The following TTN variants were observed in gnomAD, a reference collection of about 807,000 sequenced individuals.
TTN encodes the protein connectin.
A neutral mutation model predicts 3,223.0 loss-of-function variants in TTN; 1,525 were observed. The observed-to-expected ratio is 0.47, with a 90% CI of 0.45 to 0.49. TTN has a LOEUF of 0.49. Among genes scored for constraint, TTN ranks in the 20% least tolerant of loss-of-function variants. TTN has a pLI of 0.00. For missense variants in TTN, 40,786 were observed against 43,424.0 expected, an observed-to-expected ratio of 0.94 and a Z score of 5.40; for synonymous variants, 14,094 against 15,161.0, an observed-to-expected ratio of 0.93 and a Z score of 5.17.
At chr2:178,615,194 C>T (rs1276537005) in intron 259 of TTN, 113 bp downstream of exon 259, 24 of 1,304,894 alleles carry the variant, frequency 1.8e-5, no homozygotes, top group Non-Finnish European at 2.3e-5. Context: ...GACAGATACA[C>T]CGGCAGCATA....
chr2:178,681,038 G>T, intron 138 of TTN, 41 bp downstream of exon 138: 2 of 1,444,662 alleles, frequency 1.4e-6, no homozygotes, highest in Non-Finnish European at 1.9e-6. Context: ...TTCAAAAGAG[G>T]CATCAGAAAA....
At position 178,718,487 on chromosome 2, in the gene TTN, C is replaced by A; in HGVS notation, c.24619G>T (p.Asp8207Tyr). Residue 8207 changes from aspartate (D) to tyrosine (Y), a missense_variant, in exon 85 of 363, where the codon GAC becomes TAC. Asp to Tyr is a radical substitution (Grantham distance 160). Coordinates refer to ENST00000589042, the MANE Select transcript of TTN (RefSeq NM_001267550.2). ...TPPISVSWIK[D>Y]EYLISQSERC... The stretch of plus-strand genomic sequence containing the variant: ...TCAGATTGTGAAATAAGATACTCGT[C>A]CTTTATCCAGCTCACTGAGATTGGA... The A allele has an allele frequency of 1.2e-6, 2 of 1,613,730 alleles. No individual in the cohort carries two copies. Among genetic ancestry groups the A allele is most frequent in the Non-Finnish European group, 1.7e-6 (2 of 1,179,742 alleles).
chr2:178,718,419 T>A lies in TTN; in HGVS notation c.24687A>T (p.Glu8229Asp), dbSNP rs761867872. 6.2e-7 allele frequency: 1 copy of A among 1,613,796 alleles called. No homozygotes were observed. Among genetic ancestry groups the A allele is most frequent in the African/African-American group, 1.3e-5 (1 of 75,018 alleles). The change falls in exon 85 of 363, where the codon GAA becomes GAT. Residue 8229 changes from glutamate (E) to aspartate (D), a missense_variant. Transcript: ENST00000589042. Reference sequence around the variant, plus strand: ...AATCCTCTATTGTGCTCTCAAGAATTTCCAGTATGGTAGATTTTTCTGTCA... The same window carrying A: ...AATCCTCTATTGTGCTCTCAAGAATATCCAGTATGGTAGATTTTTCTGTCA... The part of the protein sequence containing the change: ...ITMTEKSTIL[E>D]ILESTIEDYA...
Position 178,802,206 on chromosome 2 carries a change from C to A in TTN, c.227G>T (p.Gly76Val), listed in dbSNP as rs138750421. Residue 76 changes from glycine (G) to valine (V), a missense_variant, in exon 3 of 363, where the codon GGA becomes GTA. Gly to Val is a moderately radical substitution (Grantham distance 109). Coordinates refer to ENST00000589042, the MANE Select transcript of TTN (RefSeq NM_001267550.2). The part of the protein sequence containing the change: ...TIPAVTKANS[G>V]RYSLKATNGS... ...ATTGGTGGCTTTCAGGGAATATCGT[C>A]CACTGTTGGCTTTAGTCACGGCGGG... 1 of 1,614,130 alleles carries A rather than the reference C, an allele frequency of 6.2e-7. No individual in the cohort carries two copies.
rs563362560 is a variant in TTN at position 178,639,909 on chromosome 2, A to G, written c.40787-121T>C. ...TCTTCAAATAACTAGTTTTTAAGAG[A>G]ATAGTATATTAAGCATTTTGAGACG... is the stretch of plus-strand genomic sequence containing the variant. On this transcript the variant is annotated intron_variant, in intron 222 of 362. Transcript: ENST00000589042. The G allele has an allele frequency of 1.1e-4, 151 of 1,426,930 alleles. No individual in the cohort carries two copies. In the African/African-American group the frequency reaches 2.0e-3, roughly 19 times the overall value. The allele number at this position is 1,426,930 out of a possible 1,614,324, so 88.4% of individuals were successfully genotyped here.
In TTN at chr2:178,580,501, A is replaced by G. The variant is rs766138542; in HGVS notation, c.66878T>C (p.Ile22293Thr). The G allele has an allele frequency of 6.2e-7, 1 of 1,612,988 alleles. No individual in the cohort carries two copies. Among genetic ancestry groups the G allele is most frequent in the East Asian group, 2.2e-5 (1 of 44,680 alleles). ...VPVKGRPPPKITWSKPNVNLR... is the reference protein window; with the variant it reads ...VPVKGRPPPKTTWSKPNVNLR... ...ATTGACATTTGGTTTAGACCAAGTA[A>G]TCTTTGGAGGTGGGCGTCCTTTTAC... The change falls in exon 317 of 363, where the codon ATT (isoleucine) becomes ACT (threonine). Residue 22293 changes from isoleucine to threonine, a missense_variant. Coordinates refer to ENST00000589042, the MANE Select transcript of TTN (RefSeq NM_001267550.2).
At chr2:178,763,610 T>C (rs7572955) in intron 43 of TTN, among the ~76,000 whole-genome samples, 140,260 of 152,218 alleles carry the variant, frequency 0.92, 64,961 homozygotes, top group East Asian at 0.98. Context: ...AATGCAATCA[T>C]ATACTCAATG....
Position 178,730,303 on chromosome 2 carries a change from C to T in TTN, c.18097G>A (p.Ala6033Thr). The T allele has an allele frequency of 6.2e-7, 1 of 1,611,764 alleles. No homozygotes were observed. Among genetic ancestry groups the T allele is most frequent in the Non-Finnish European group, 8.5e-7 (1 of 1,178,870 alleles). The change falls in exon 62 of 363, where the codon GCT becomes ACT. Residue 6033 changes from alanine (A) to threonine (T), a missense_variant. By Grantham distance (58) the Ala-to-Thr change is moderately conservative. Transcript: ENST00000589042. ...ATGGGTGCAGTGCCACCCACAAGAG[C>T]CTTTAACTGTACCCTTGTGTTGGGA... ...VNPNTRVQLK[A>T]LVGGTAPMTI... is the part of the protein sequence containing the mutation.
At chr2:178,749,630 C>T in intron 47 of TTN, 3 of 1,612,338 alleles carry the variant, frequency 1.9e-6, no homozygotes, top group Non-Finnish European at 2.5e-6. Context: ...TTCGAATTGA[C>T]TATTTTCTCT....
In TTN at chr2:178,580,017, A is replaced by G. The variant is rs974697497; in HGVS notation, c.67270T>C (p.Tyr22424His). The change falls in exon 318 of 363, where the codon TAC becomes CAC. Residue 22424 changes from tyrosine to histidine, a missense_variant. Transcript: ENST00000589042. ...RVANLEEGKS[Y>H]FFRVFAENEY... ...TTTTCAGCAAACACTCGGAAGAAGT[A>G]GGATTTTCCCTCCTCCAAATTAGCT... 5 of 1,613,360 alleles carry G rather than the reference A, an allele frequency of 3.1e-6. No homozygotes were observed. Among genetic ancestry groups the G allele is most frequent in the Non-Finnish European group, 4.2e-6 (5 of 1,179,504 alleles).
Position 178,551,639 on chromosome 2 carries a change from A to G in TTN, c.91261T>C (p.Ser30421Pro), listed in dbSNP as rs1699486002. The change falls in exon 335 of 363, where the codon TCT becomes CCT. Residue 30421 changes from serine to proline, a missense_variant. Transcript: ENST00000589042. ...SDPSKFTLAV[S>P]PVDPPGTPDY... The stretch of plus-strand genomic sequence containing the variant: ...AATAATAATCACTTACCTACTGGAG[A>G]AACAGCTAAGGTAAATTTGCTTGGG... The G allele has an allele frequency of 6.3e-7, 1 of 1,578,036 alleles. No homozygotes were observed. Among genetic ancestry groups the G allele is most frequent in the Admixed American group, 1.8e-5 (1 of 54,550 alleles).
intron 258 of TTN, 30 bp from the exon 259 acceptor site, chr2:178,615,514 T>TAG: frequency 6.2e-7 from 1 of 1,610,034 alleles, no homozygotes; most frequent in East Asian, 2.2e-5. Context: ...GAGTCAGTCT[T>TAG]ACACAGGCCA....
chr2:178,750,418 C>A lies in TTN; in HGVS notation c.11311+2706G>T, dbSNP rs144909083. 34 of 1,612,068 alleles carry A rather than the reference C, an allele frequency of 2.1e-5. No homozygotes were observed. In the African/African-American group the frequency reaches 4.5e-4, roughly 22 times the overall value. ...GAGTTAATATTGAATAGTTTTCCAA[C>A]GAATGAATGATAAAGTTTTGATTAC... On this transcript the variant is annotated intron_variant, in intron 47 of 362. Coordinates refer to ENST00000589042, the MANE Select transcript of TTN (RefSeq NM_001267550.2).
chr2:178,777,251 G>A lies in TTN; in HGVS notation c.4712C>T (p.Ser1571Phe). ...AGCTCTGACTTTCATTTCAAGTCGGGAACCTTCCTTTATATTGACATTTTT... is the reference window on the plus strand; with the variant it reads ...AGCTCTGACTTTCATTTCAAGTCGGAAACCTTCCTTTATATTGACATTTTT... ...KLKNVNIKEG[S>F]RLEMKVRATG... Residue 1571 changes from serine (S) to phenylalanine (F), a missense_variant, in exon 27 of 363, where the codon TCC (serine) becomes TTC (phenylalanine). Transcript: ENST00000589042. 6.2e-7 allele frequency: 1 copy of A among 1,614,060 alleles called. No individual in the cohort carries two copies. The highest frequency in any genetic ancestry group is 8.5e-7 in the Non-Finnish European group (1 of 1,179,980).
In TTN at chr2:178,677,335, C is replaced by CATATACATATATATATAT. The variant is rs71393434; in HGVS notation, c.34292-49_34292-48insATATATATATATGTATAT. 34 of 251,894 alleles carry CATATACATATATATATAT rather than the reference C, an allele frequency of 1.3e-4. 1 individual carries two copies. In the South Asian group the frequency reaches 2.9e-3, roughly 21 times the overall value. The allele number at this position is 251,894 out of a possible 1,614,324, so 15.6% of individuals were successfully genotyped here. The stretch of plus-strand genomic sequence containing the variant: ...GCATTAAAAACCACATATACATGGT[C>CATATACATATATATATAT]ATATATATATATATATATATATATA... On this transcript the variant is annotated intron_variant, in intron 146 of 362. Transcript: ENST00000589042.
chr2:178,565,431 T>G lies in TTN; in HGVS notation c.80701A>C (p.Ile26901Leu). Residue 26901 changes from isoleucine to leucine, a missense_variant, in exon 326 of 363, where the codon ATT (isoleucine) becomes CTT (leucine). Ile to Leu is a conservative substitution (Grantham distance 5, BLOSUM62 2). Coordinates refer to ENST00000589042, the MANE Select transcript of TTN (RefSeq NM_001267550.2). ...GGTCTTGGTCGGCCTATAACTGGAA[T>G]TTCTATTTTAAGATCTTCTCCAGCT... ...IQAGEDLKIE[I>L]PVIGRPRPNI... 1 of 1,613,444 alleles carries G rather than the reference T, an allele frequency of 6.2e-7. No individual in the cohort carries two copies. The highest frequency in any genetic ancestry group is 1.1e-5 in the South Asian group (1 of 91,050).
In TTN at chr2:178,616,541, C is replaced by T. The variant is rs1331594861; in HGVS notation, c.48250G>A (p.Gly16084Arg). ...ACAACGTATCCAGTTAACGGACTTCCTCCATCATCATCAGGTGGTTCCCAA... is the reference window on the plus strand; with the variant it reads ...ACAACGTATCCAGTTAACGGACTTCTTCCATCATCATCAGGTGGTTCCCAA... ...LTWEPPDDDG[G>R]SPLTGYVVEK... The change falls in exon 257 of 363, where the codon GGA becomes AGA. Residue 16084 changes from glycine to arginine, a missense_variant. Transcript: ENST00000589042. The T allele has an allele frequency of 6.2e-7, 1 of 1,612,308 alleles. No individual in the cohort carries two copies. Among genetic ancestry groups the T allele is most frequent in the Non-Finnish European group, 8.5e-7 (1 of 1,178,980 alleles).
At chr2:178,583,399 GA>G (rs2048221805) in intron 312 of TTN, 172 bp from the exon 313 acceptor site, 1 of 827,112 alleles carries the variant, frequency 1.2e-6, no homozygotes, top group Non-Finnish European at 1.7e-6. Context: ...AATAACTATT[GA>G]AATTATATAG....
Position 178,689,299 on chromosome 2 carries a change from G to A in TTN, c.32002C>T (p.Pro10668Ser). The A allele has an allele frequency of 6.2e-7, 1 of 1,612,024 alleles. No homozygotes were observed. Among genetic ancestry groups the A allele is most frequent in the Non-Finnish European group, 8.5e-7 (1 of 1,179,436 alleles). The change falls in exon 124 of 363, where the codon CCA (proline) becomes TCA (serine). Residue 10668 changes from proline (P) to serine (S), a missense_variant. By Grantham distance (74) the Pro-to-Ser change is moderately conservative. Transcript: ENST00000589042. ...VPRKEEEVPP[P>S]PKVPALPKKP... ...GATGGAGAAACAATACCTTTTGGTGGTGGTGGAACTTCTTCCTCCTTCCGA... is the reference window on the plus strand; with the variant it reads ...GATGGAGAAACAATACCTTTTGGTGATGGTGGAACTTCTTCCTCCTTCCGA...
Sources: allele counts gnomAD v4.1 joint callset (sites outside exome capture counted in the v4.1 genomes callset), GRCh38; gene constraint gnomAD v4.1.1; transcripts MANE v1.5; gene names NCBI Gene and HGNC (gene_info 2026-07-23, HGNC 2026-07-21).